The following MAF variants were observed in gnomAD, a reference collection of about 807,000 sequenced individuals.
MAF encodes the protein transcription factor Maf.
Under a neutral mutation model 22.0 loss-of-function variants are expected in MAF, and 10 were observed. That is an observed-to-expected ratio of 0.45 (90% CI 0.28 to 0.77). MAF has a LOEUF of 0.77. Among genes scored for constraint, MAF ranks in the 30% least tolerant of loss-of-function variants. MAF has a pLI of 0.12. For missense variants in MAF, 544 were observed against 548.4 expected, an observed-to-expected ratio of 0.99 and a Z score of 0.08; for synonymous variants, 337 against 255.8, an observed-to-expected ratio of 1.32 and a Z score of -3.03.
the MAF span, among the ~76,000 whole-genome samples, chr16:79,323,022 C>G: frequency 2.0e-5 from 3 of 151,292 alleles, no homozygotes; most frequent in Non-Finnish European, 4.4e-5. Flanking sequence ...TGGTGGCAAG[C>G]GCCTGTAGTC....
chr16:79,371,128 C>CT, the MAF span, among the ~76,000 whole-genome samples: 1 of 117,126 alleles, frequency 8.5e-6, no homozygotes, highest in African/African-American at 3.7e-5. Flanking sequence ...CATTCATTCA[C>CT]ATTTTTTTTT....
At chr16:79,558,394 C>T in the MAF span, among the ~76,000 whole-genome samples, 1 of 152,192 alleles carries the variant, frequency 6.6e-6, no homozygotes, top group Non-Finnish European at 1.5e-5. Flanking sequence ...CTTAAAGTCG[C>T]ATATCCTTTG....
chr16:79,337,016 C>G, the MAF span, among the ~76,000 whole-genome samples: 2 of 152,254 alleles, frequency 1.3e-5, no homozygotes, highest in South Asian at 4.1e-4. Flanking sequence ...CCAAAGGCAT[C>G]AAATAAATCA....
the MAF span, among the ~76,000 whole-genome samples, chr16:79,501,218 C>T: frequency 6.6e-6 from 1 of 152,198 alleles, no homozygotes; most frequent in Non-Finnish European, 1.5e-5. Context: ...GTCTACAACA[C>T]TCCAGCATCT....
intron 1 of MAF, among the ~76,000 whole-genome samples, chr16:79,588,694 T>G (rs1160695462): frequency 3.3e-5 from 5 of 152,202 alleles, no homozygotes; most frequent in African/African-American, 7.2e-5. Flanking sequence ...ACTCCTGACC[T>G]CAGGTGATCC....
the MAF span, among the ~76,000 whole-genome samples, chr16:79,221,118 G>A: frequency 6.6e-6 from 1 of 152,230 alleles, no homozygotes; most frequent in African/African-American, 2.4e-5. Context: ...TACTGAGAAA[G>A]TTCGAAGACT....
At chr16:79,410,345 A>G in the MAF span, among the ~76,000 whole-genome samples, 2 of 152,244 alleles carry the variant, frequency 1.3e-5, no homozygotes, top group African/African-American at 4.8e-5. Flanking sequence ...AATTCGGCTG[A>G]AGTTTTTCTT....
chr16:79,273,372 C>G, the MAF span, among the ~76,000 whole-genome samples: 1 of 152,206 alleles, frequency 6.6e-6, no homozygotes, highest in African/African-American at 2.4e-5. Context: ...CCATGTGAAC[C>G]TATGCTCCCT....
chr16:79,479,158 C>T, the MAF span, among the ~76,000 whole-genome samples: 52 of 149,226 alleles, frequency 3.5e-4, no homozygotes, highest in Non-Finnish European at 4.3e-4. Flanking sequence ...CCAGCATACC[C>T]GTATCCCATC....
the MAF span, among the ~76,000 whole-genome samples, chr16:79,457,543 T>A: frequency 2.6e-5 from 4 of 152,168 alleles, no homozygotes; most frequent in Non-Finnish European, 1.5e-5. Context: ...ATCTGAAATA[T>A]GCTGACAATA....
the MAF span, among the ~76,000 whole-genome samples, chr16:79,382,557 C>T: frequency 1.7e-4 from 26 of 152,262 alleles, no homozygotes; most frequent in Admixed American, 5.2e-4. Context: ...ATACAAATAA[C>T]GTACAGTAGA....
the MAF span, among the ~76,000 whole-genome samples, chr16:79,449,507 C>G: frequency 3.3e-5 from 5 of 152,200 alleles, no homozygotes; most frequent in Admixed American, 3.3e-4. Flanking sequence ...TACTACCTCT[C>G]TTCCTGCTAG....
chr16:79,385,690 C>A, the MAF span, among the ~76,000 whole-genome samples: 4 of 152,074 alleles, frequency 2.6e-5, no homozygotes, highest in Non-Finnish European at 5.9e-5. Flanking sequence ...CACTTAAGGT[C>A]AGGAGTTCAA....
the MAF span, among the ~76,000 whole-genome samples, chr16:79,271,561 T>C: frequency 6.6e-6 from 1 of 152,190 alleles, no homozygotes; most frequent in Non-Finnish European, 1.5e-5. Flanking sequence ...TCTGGGTAAT[T>C]CAAGCATTAA....
the MAF span, among the ~76,000 whole-genome samples, chr16:79,315,932 C>T: frequency 0.74 from 113,194 of 152,168 alleles, 43,062 homozygotes; most frequent in East Asian, 0.99. Flanking sequence ...GGGGTCCCCG[C>T]TGTTCTTCAG....
chr16:79,389,557 C>T, the MAF span, among the ~76,000 whole-genome samples: 1 of 152,156 alleles, frequency 6.6e-6, no homozygotes, highest in Non-Finnish European at 1.5e-5. Context: ...CCACCGCGTC[C>T]AGCTAAAGAT....
chr16:79,464,319 A>G, the MAF span, among the ~76,000 whole-genome samples: 1 of 152,220 alleles, frequency 6.6e-6, no homozygotes, highest in South Asian at 2.1e-4. Flanking sequence ...AACTGAGAGG[A>G]CCGAGGGAGT....
the MAF span, among the ~76,000 whole-genome samples, chr16:79,263,297 C>G: frequency 3.3e-5 from 5 of 152,166 alleles, no homozygotes; most frequent in African/African-American, 1.2e-4. Flanking sequence ...GGGAAATTTT[C>G]TAAGGGAAGT....
At chr16:79,463,268 AC>A in the MAF span, among the ~76,000 whole-genome samples, 1 of 152,122 alleles carries the variant, frequency 6.6e-6, no homozygotes, top group Non-Finnish European at 1.5e-5. Flanking sequence ...TTGGGCTTTC[AC>A]CCCCACACAC....
Sources: allele counts gnomAD v4.1 joint callset (sites outside exome capture counted in the v4.1 genomes callset), GRCh38; gene constraint gnomAD v4.1.1; transcripts MANE v1.5; gene names NCBI Gene and HGNC (gene_info 2026-07-23, HGNC 2026-07-21).